Variants in RBFOX1 observed in about 807,000 individuals in gnomAD.
RBFOX1 encodes RNA binding protein fox-1 homolog 1.
In RBFOX1, 8 loss-of-function variants were observed where a neutral mutation model predicts 57.7. The ratio of observed to expected loss-of-function variants is 0.14; its 90% CI spans 0.08 to 0.25. The LOEUF (loss-of-function observed/expected upper bound fraction) is 0.25. Among genes scored for constraint, RBFOX1 ranks in the 10% least tolerant of loss-of-function variants. The probability of loss-of-function intolerance (pLI) is 1.00; values close to 1 mark genes in which losing one functional copy is unlikely to be tolerated. For missense variants in RBFOX1, 611 were observed against 548.5 expected (o/e 1.11, Z -1.14); for synonymous variants, 326 against 222.4 (o/e 1.47, Z -4.15).
At chr16:5,622,036 C>G (rs1009612766) in intron 3 of RBFOX1, among the ~76,000 whole-genome samples, 6 of 152,196 alleles carry the variant, frequency 3.9e-5, no homozygotes, top group Non-Finnish European at 8.8e-5. Context: ...ATGGAATTAT[C>G]TGGGTTATCT....
chr16:7,347,050 C>T (rs1248294103), intron 4 of RBFOX1, among the ~76,000 whole-genome samples: 1 of 152,174 alleles, frequency 6.6e-6, no homozygotes, highest in African/African-American at 2.4e-5. Flanking sequence ...GCCTAGTGAT[C>T]TCAGCAGGCA....
chr16:7,091,208 A>T (rs1238112430), intron 4 of RBFOX1, among the ~76,000 whole-genome samples: 2 of 151,960 alleles, frequency 1.3e-5, no homozygotes, highest in Admixed American at 1.3e-4. Context: ...TTACATTCCA[A>T]GTACACTTCC....
At chr16:5,832,012 G>C (rs935569089) in intron 3 of RBFOX1, among the ~76,000 whole-genome samples, 39 of 152,280 alleles carry the variant, frequency 2.6e-4, no homozygotes, top group Admixed American at 2.0e-4. Context: ...TAGAGGGAAG[G>C]TATGTCTGTC....
intron 4 of RBFOX1, among the ~76,000 whole-genome samples, chr16:7,364,318 A>G (rs2097393179): frequency 6.6e-6 from 1 of 152,112 alleles, no homozygotes; most frequent in South Asian, 2.1e-4. Flanking sequence ...CTATGGAGAA[A>G]GGGCCCTGGA....
chr16:6,649,720 A>G (rs1434558252), intron 2 of RBFOX1, among the ~76,000 whole-genome samples: 1 of 152,176 alleles, frequency 6.6e-6, no homozygotes, highest in Admixed American at 6.6e-5. Context: ...GCTCAGTAGT[A>G]TTCCATTATA....
intron 3 of RBFOX1, among the ~76,000 whole-genome samples, chr16:6,900,326 C>T (rs943913227): frequency 2.0e-5 from 3 of 152,140 alleles, no homozygotes; most frequent in Non-Finnish European, 2.9e-5. Flanking sequence ...GCCATCATCT[C>T]CCCCTGGAGC....
chr16:7,602,725 G>A (rs1227435959), intron 9 of RBFOX1, among the ~76,000 whole-genome samples: 1 of 152,108 alleles, frequency 6.6e-6, no homozygotes, highest in Admixed American at 6.5e-5. Flanking sequence ...CTGGATTCTA[G>A]ACCAAATGGA....
chr16:6,256,137 A>ATGTG (rs368753663), intron 1 of RBFOX1, among the ~76,000 whole-genome samples: 2 of 49,094 alleles, frequency 4.1e-5, no homozygotes, highest in Non-Finnish European at 1.1e-4. Context: ...ATATATATAT[A>ATGTG]TGTGTGTATA....
At chr16:6,673,208 T>C (rs1053265554) in intron 3 of RBFOX1, among the ~76,000 whole-genome samples, 16 of 152,168 alleles carry the variant, frequency 1.1e-4, no homozygotes, top group Non-Finnish European at 2.1e-4. Context: ...AGAGTAGTCT[T>C]CATCCCATCT....
At chr16:5,453,225 A>G (rs1205065122) in intron 1 of RBFOX1, among the ~76,000 whole-genome samples, 1 of 152,172 alleles carries the variant, frequency 6.6e-6, no homozygotes, top group African/African-American at 2.4e-5. Context: ...GAGGAAACAG[A>G]CATGGTCCTT....
intron 3 of RBFOX1, among the ~76,000 whole-genome samples, chr16:6,797,114 C>T (rs945959581): frequency 6.6e-6 from 1 of 152,184 alleles, no homozygotes; most frequent in Admixed American, 6.5e-5. Flanking sequence ...AGGTAGAAGG[C>T]TCTGCTGTTC....
intron 4 of RBFOX1, among the ~76,000 whole-genome samples, chr16:7,388,099 A>G (rs1038498861): frequency 6.6e-6 from 1 of 152,068 alleles, no homozygotes; most frequent in Non-Finnish European, 1.5e-5. Context: ...TTTGATCAAG[A>G]TCATATAAAC....
intron 3 of RBFOX1, among the ~76,000 whole-genome samples, chr16:5,651,040 C>CTTCTTT (rs2049219365): frequency 1.8e-5 from 1 of 56,854 alleles, no homozygotes; most frequent in Non-Finnish European, 3.0e-5. Flanking sequence ...CTACCTCCTT[C>CTTCTTT]TTTTTTTTTT....
chr16:7,509,426 G>GTGTGTGTCTGTGTC (rs1555531504), intron 4 of RBFOX1, among the ~76,000 whole-genome samples: 1 of 146,380 alleles, frequency 6.8e-6, no homozygotes, highest in African/African-American at 2.5e-5. Flanking sequence ...GTGTGTGTGT[G>GTGTGTGTCTGTGTC]TGTGTCTGTG....
At chr16:6,854,249 C>T (rs890280915) in intron 3 of RBFOX1, among the ~76,000 whole-genome samples, 34 of 152,222 alleles carry the variant, frequency 2.2e-4, no homozygotes, top group African/African-American at 6.7e-4. Context: ...GGACATATAC[C>T]ATTAGCACCA....
At chr16:7,383,602 A>G (rs531609948) in intron 4 of RBFOX1, among the ~76,000 whole-genome samples, 1 of 152,228 alleles carries the variant, frequency 6.6e-6, no homozygotes, top group South Asian at 2.1e-4. Flanking sequence ...CATGTTGAAA[A>G]CCATTTCATA....
At chr16:5,703,459 G>C (rs1408208356) in intron 3 of RBFOX1, among the ~76,000 whole-genome samples, 1 of 152,148 alleles carries the variant, frequency 6.6e-6, no homozygotes, top group South Asian at 2.1e-4. Flanking sequence ...AGCTGGGAGT[G>C]GCATGAGGCG....
chr16:5,912,899 T>C (rs1328215423), intron 4 of RBFOX1, among the ~76,000 whole-genome samples: 1 of 152,160 alleles, frequency 6.6e-6, no homozygotes, highest in East Asian at 1.9e-4. Context: ...TGTCCAGTTC[T>C]GGCCTCCAGA....
At chr16:7,071,663 A>C (rs1335132740) in intron 4 of RBFOX1, among the ~76,000 whole-genome samples, 1 of 151,584 alleles carries the variant, frequency 6.6e-6, no homozygotes. Flanking sequence ...ACATACATAC[A>C]TACATATATA....
Sources: allele counts gnomAD v4.1 joint callset (sites outside exome capture counted in the v4.1 genomes callset), GRCh38; gene constraint gnomAD v4.1.1; transcripts MANE v1.5; gene names NCBI Gene and HGNC (gene_info 2026-07-23, HGNC 2026-07-21).